Variants in KIAA0586 observed in about 807,000 individuals in gnomAD.
The protein encoded by KIAA0586 is KIAA0586.
KIAA0586 carries 144 observed loss-of-function variants against 169.8 expected under a neutral mutation model. That is an observed-to-expected ratio of 0.85 (90% CI 0.74 to 0.97). The LOEUF (loss-of-function observed/expected upper bound fraction) is 0.97. KIAA0586 is among the 50% of genes least tolerant of loss of function. The probability of loss-of-function intolerance (pLI) is 0.00; values close to 1 mark genes in which losing one functional copy is unlikely to be tolerated. For synonymous variants in KIAA0586, 625 were observed against 612.4 expected, an observed-to-expected ratio of 1.02 and a Z score of -0.30; for missense variants, 1,854 against 1,823.0, an observed-to-expected ratio of 1.02 and a Z score of -0.31.
chr14:58,455,242 ACTTTC>A (rs56071853), intron 9 of KIAA0586, among the ~76,000 whole-genome samples: 148,717 of 152,172 alleles, frequency 0.98, 72,754 homozygotes, highest in Non-Finnish European at 1. Context: ...TCATTCTTAT[ACTTTC>A]CTTTAATTTT....
Position 58,474,709 on chromosome 14 carries a change from C to T in KIAA0586, c.2737C>T (p.Pro913Ser). 6.2e-7 allele frequency: 1 copy of T among 1,613,412 alleles called. No individual in the cohort carries two copies. Among genetic ancestry groups the T allele is most frequent in the Non-Finnish European group, 8.5e-7 (1 of 1,179,590 alleles). The change falls in exon 19 of 31, where the codon CCA becomes TCA. Residue 913 changes from proline to serine, a missense_variant. By Grantham distance (74) the Pro-to-Ser change is moderately conservative. Transcript: ENST00000652326. ...AAAATATAATGGTCCTCCATTTCCG[C>T]CAGTTGCTTCTACTTTTCAGCCCAC... ...STKYNGPPFPPVASTFQPTAD... is the reference protein window; with the variant it reads ...STKYNGPPFPSVASTFQPTAD...
At chr14:58,450,530 T>C (rs769988190) in intron 7 of KIAA0586, 49 bp from the exon 8 acceptor site, 2 of 1,113,584 alleles carry the variant, frequency 1.8e-6, no homozygotes, top group East Asian at 4.8e-5. Context: ...CTATAATTTT[T>C]AAAGCTTTTT....
intron 6 of KIAA0586, 44 bp from the exon 7 acceptor site, chr14:58,448,296 T>C: frequency 8.0e-7 from 1 of 1,253,958 alleles, no homozygotes; most frequent in Non-Finnish European, 1.1e-6. Context: ...TCTAACTCTT[T>C]CAAATGATAT....
intron 27 of KIAA0586, among the ~76,000 whole-genome samples, chr14:58,501,779 C>CT (rs1364232963): frequency 6.6e-6 from 1 of 152,120 alleles, no homozygotes; most frequent in Non-Finnish European, 1.5e-5. Flanking sequence ...ACCCAAATTT[C>CT]TTTATGTGTC....
At chr14:58,515,610 G>A (rs2044694984) in intron 29 of KIAA0586, among the ~76,000 whole-genome samples, 1 of 151,996 alleles carries the variant, frequency 6.6e-6, no homozygotes, top group Admixed American at 6.6e-5. Flanking sequence ...AGTTATAAGG[G>A]TTTTAAGTTG....
chr14:58,434,727 G>A, intron 4 of KIAA0586, among the ~76,000 whole-genome samples: 1 of 152,134 alleles, frequency 6.6e-6, no homozygotes, highest in East Asian at 1.9e-4. Flanking sequence ...TAACACTTAT[G>A]CACCAGCCAC....
At position 58,467,887 on chromosome 14, in the gene KIAA0586, T is replaced by G. The variant is rs886039806; in HGVS notation, c.2407T>G (p.Ser803Ala). The part of the protein sequence containing the change: ...KPNIAIVEMK[S>A]EKKDPPQLTV... The stretch of plus-strand genomic sequence containing the variant: ...TAACATAGCCATTGTAGAAATGAAG[T>G]CAGAAAAAAAGGATCCTCCTCAGCT... Residue 803 changes from serine (S) to alanine (A), a missense_variant, in exon 16 of 31, where the codon TCA becomes GCA. Physicochemically the swap from Ser to Ala is moderately conservative, Grantham distance 99. Coordinates refer to ENST00000652326, the MANE Select transcript of KIAA0586 (RefSeq NM_001329943.3). The G allele has an allele frequency of 4.3e-6, 7 of 1,612,042 alleles. No individual in the cohort carries two copies. The highest frequency in any genetic ancestry group is 5.1e-6 in the Non-Finnish European group (6 of 1,179,320).
At chr14:58,530,162 A>T (rs1350356920) in intron 29 of KIAA0586, among the ~76,000 whole-genome samples, 2 of 152,216 alleles carry the variant, frequency 1.3e-5, no homozygotes, top group African/African-American at 2.4e-5. Flanking sequence ...TTTTTCAAGG[A>T]GAACTACAAA....
At chr14:58,495,522 T>C (rs1467817167) in intron 26 of KIAA0586, among the ~76,000 whole-genome samples, 5 of 152,058 alleles carry the variant, frequency 3.3e-5, no homozygotes, top group Non-Finnish European at 4.4e-5. Flanking sequence ...GATCTCCAAC[T>C]TCTGACCGCA....
At chr14:58,539,396 G>A (rs1459913001) in intron 29 of KIAA0586, among the ~76,000 whole-genome samples, 1 of 152,144 alleles carries the variant, frequency 6.6e-6, no homozygotes, top group East Asian at 1.9e-4. Context: ...ATAGAAGGTT[G>A]TTAATTGACT....
At chr14:58,437,656 A>G (rs2037938177) in intron 4 of KIAA0586, among the ~76,000 whole-genome samples, 1 of 138,510 alleles carries the variant, frequency 7.2e-6, no homozygotes, top group Non-Finnish European at 1.5e-5. Flanking sequence ...GCAGTGAGCC[A>G]TGGTTATGCT....
At chr14:58,431,270 A>AT (rs946308712) in intron 3 of KIAA0586, among the ~76,000 whole-genome samples, 13 of 150,726 alleles carry the variant, frequency 8.6e-5, no homozygotes, top group East Asian at 2.0e-4. Context: ...ATGTTTATAA[A>AT]TTTTTTTTTT....
At chr14:58,489,805 A>G (rs1316698075) in intron 24 of KIAA0586, among the ~76,000 whole-genome samples, 1 of 9,720 alleles carries the variant, frequency 1.0e-4, no homozygotes, top group African/African-American at 1.5e-4. Context: ...TGCTTTCTAG[A>G]AAGGATTTTT....
intron 30 of KIAA0586, among the ~76,000 whole-genome samples, chr14:58,541,009 G>A (rs2046609114): frequency 1.3e-5 from 2 of 152,196 alleles, no homozygotes; most frequent in South Asian, 4.1e-4. Context: ...TGAGTCCAGG[G>A]TGTACAGGAA....
Position 58,508,697 on chromosome 14 carries a change from A to G in KIAA0586, c.4311A>G (p.Glu1437=), listed in dbSNP as rs536603405. Residue 1437 remains glutamate (E), a synonymous_variant, in exon 28 of 31, where the codon GAA becomes GAG. Coordinates refer to ENST00000652326, the MANE Select transcript of KIAA0586 (RefSeq NM_001329943.3). ...ATGTTAATTTACCAGTAGCCGCTGA[A>G]GATTTTTCCCAGGTACCAAATTAAT... The part of the protein sequence containing the change: ...ENDVNLPVAA[E]DFSQYQLKQN... 222 of 1,586,164 alleles carry G rather than the reference A, an allele frequency of 1.4e-4. 7 individuals carry two copies. The South Asian group carries it at 2.5e-3, about 18-fold the overall frequency.
chr14:58,433,541 T>C (rs778905071), intron 4 of KIAA0586, among the ~76,000 whole-genome samples: 9 of 152,266 alleles, frequency 5.9e-5, no homozygotes, highest in African/African-American at 2.2e-4. Flanking sequence ...TAGGTGATAT[T>C]ATATACTTCC....
chr14:58,492,700 C>T (rs771169950), intron 26 of KIAA0586, among the ~76,000 whole-genome samples: 23 of 152,282 alleles, frequency 1.5e-4, no homozygotes, highest in Admixed American at 9.8e-4. Flanking sequence ...ACTATATGAA[C>T]ACACAGGAGA....
At chr14:58,432,852 G>A (rs1189304904) in intron 4 of KIAA0586, among the ~76,000 whole-genome samples, 3 of 152,134 alleles carry the variant, frequency 2.0e-5, no homozygotes, top group Non-Finnish European at 2.9e-5. Context: ...AAGTAGCTGG[G>A]ATTACAGGCA....
chr14:58,498,373 G>A (rs551788504), intron 26 of KIAA0586, among the ~76,000 whole-genome samples: 34 of 151,374 alleles, frequency 2.2e-4, no homozygotes, highest in Admixed American at 1.6e-3. Flanking sequence ...ACAGGGTTTC[G>A]CCATGTTGCC....
Sources: gnomAD v4.1 joint callset for allele counts (sites outside exome capture counted in the v4.1 genomes callset) on GRCh38, gnomAD v4.1.1 for gene constraint, MANE v1.5 for transcripts, NCBI Gene and HGNC (gene_info 2026-07-23, HGNC 2026-07-21) for gene names.